Variants in CTIF observed in about 807,000 individuals in gnomAD.
CTIF encodes cap binding complex dependent translation initiation factor.
In CTIF, 21 loss-of-function variants were observed where a neutral mutation model predicts 66.0. That is an observed-to-expected ratio of 0.32 (90% CI 0.23 to 0.46). The LOEUF is 0.46. Ranked by LOEUF, CTIF falls within the 20% of genes least tolerant of loss-of-function variation. The pLI, the probability that CTIF is intolerant of heterozygous loss-of-function variation, is 1.00. For synonymous variants in CTIF, 345 were observed against 326.4 expected, an observed-to-expected ratio of 1.06 and a Z score of -0.62; for missense variants, 739 against 812.7, an observed-to-expected ratio of 0.91 and a Z score of 1.10.
At chr18:48,766,849 T>A (rs1030107187) in intron 9 of CTIF, among the ~76,000 whole-genome samples, 2 of 70,552 alleles carry the variant, frequency 2.8e-5, no homozygotes, top group Admixed American at 1.8e-4. Flanking sequence ...ACCCTGAACC[T>A]CCTCCTTGAT....
intron 1 of CTIF, among the ~76,000 whole-genome samples, chr18:48,579,883 C>T (rs2089615372): frequency 6.6e-6 from 1 of 152,212 alleles, no homozygotes; most frequent in African/African-American, 2.4e-5. Context: ...CAGGTGTAAA[C>T]TTTCCTAGTC....
chr18:48,746,900 C>G (rs1440136146), intron 7 of CTIF, among the ~76,000 whole-genome samples: 2 of 152,148 alleles, frequency 1.3e-5, no homozygotes, highest in East Asian at 3.8e-4. Context: ...GGTCCTTCCA[C>G]TACCTCACGT....
intron 4 of CTIF, 88 bp from the exon 5 acceptor site, chr18:48,664,359 C>A: frequency 8.4e-7 from 1 of 1,193,454 alleles, no homozygotes; most frequent in Non-Finnish European, 1.2e-6. Flanking sequence ...CGGATCTGCT[C>A]TGCCAGGTTC....
chr18:48,762,960 C>T (rs902418955), intron 9 of CTIF, among the ~76,000 whole-genome samples: 1 of 152,248 alleles, frequency 6.6e-6, no homozygotes, highest in Non-Finnish European at 1.5e-5. Context: ...GGCTGCTTCT[C>T]TCCTGCTCCA....
chr18:48,847,052 G>A (rs112267266), intron 10 of CTIF, among the ~76,000 whole-genome samples: 7,588 of 152,162 alleles, frequency 0.05, 612 homozygotes, highest in African/African-American at 0.17. Flanking sequence ...GCTCACACCT[G>A]TAATACCAGC....
At chr18:48,758,514 G>A in intron 8 of CTIF, 109 bp downstream of exon 8, 1 of 1,376,488 alleles carries the variant, frequency 7.3e-7, no homozygotes, top group South Asian at 1.4e-5. Context: ...GAGGGTCTAG[G>A]GAGCCATGTA....
chr18:48,661,816 A>G (rs749028962), intron 3 of CTIF: 1 of 152,248 alleles, frequency 6.6e-6, no homozygotes, highest in Non-Finnish European at 1.5e-5. Flanking sequence ...CTTTATTTAA[A>G]TATGAAGAAT....
At chr18:48,623,471 A>G (rs2144469164) in intron 2 of CTIF, among the ~76,000 whole-genome samples, 1 of 152,032 alleles carries the variant, frequency 6.6e-6, no homozygotes, top group South Asian at 2.1e-4. Context: ...TCTACATAAG[A>G]TACTTTTTAA....
At chr18:48,703,993 G>A (rs945031554) in intron 6 of CTIF, among the ~76,000 whole-genome samples, 4 of 152,238 alleles carry the variant, frequency 2.6e-5, no homozygotes, top group African/African-American at 4.8e-5. Flanking sequence ...GGCCTGGGGG[G>A]AAGCGTAGTG....
chr18:48,597,252 G>T (rs1032464934), intron 1 of CTIF, among the ~76,000 whole-genome samples: 1 of 152,218 alleles, frequency 6.6e-6, no homozygotes, highest in Non-Finnish European at 1.5e-5. Context: ...GGGAACCACA[G>T]CCTCCAGCGG....
chr18:48,851,666 G>T (rs2069203544), intron 10 of CTIF, among the ~76,000 whole-genome samples: 1 of 152,090 alleles, frequency 6.6e-6, no homozygotes, highest in Non-Finnish European at 1.5e-5. Context: ...TTCCCTCCCC[G>T]GGAGAAGCAT....
chr18:48,657,803 A>G (rs996628271), intron 3 of CTIF, among the ~76,000 whole-genome samples: 1 of 152,160 alleles, frequency 6.6e-6, no homozygotes, highest in African/African-American at 2.4e-5. Context: ...ATAGTAGCCT[A>G]AAGTGAAATA....
intron 1 of CTIF, among the ~76,000 whole-genome samples, chr18:48,569,996 T>C (rs2089375087): frequency 6.6e-6 from 1 of 152,230 alleles, no homozygotes; most frequent in Non-Finnish European, 1.5e-5. Flanking sequence ...ATAGTGACTT[T>C]TGTCCGAACT....
At chr18:48,749,079 G>A (rs1277832811) in intron 7 of CTIF, among the ~76,000 whole-genome samples, 1 of 152,232 alleles carries the variant, frequency 6.6e-6, no homozygotes, top group Non-Finnish European at 1.5e-5. Context: ...TTCTGTCCAT[G>A]TGCCTTCCTC....
chr18:48,575,546 G>A (rs1478312188), intron 1 of CTIF, among the ~76,000 whole-genome samples: 1 of 152,320 alleles, frequency 6.6e-6, no homozygotes, highest in Admixed American at 6.5e-5. Context: ...ACAGAGTTGC[G>A]GTGTCAGGAC....
At position 48,832,148 on chromosome 18, in the gene CTIF, G is replaced by A. The variant is rs1214011807; in HGVS notation, c.1527+14772G>A. On this transcript the variant is annotated intron_variant, in intron 10 of 11. Coordinates refer to ENST00000256413, the MANE Select transcript of CTIF (RefSeq NM_014772.3). ...GGGCTGCCTGGCTGGAGAGCTCCCTGCAGGGTCTGGAAAACGTGGTCCTTC... is the reference window on the plus strand; with the variant it reads ...GGGCTGCCTGGCTGGAGAGCTCCCTACAGGGTCTGGAAAACGTGGTCCTTC... Among the ~76,000 whole-genome samples the A allele has an allele frequency of 5.3e-5, 8 of 150,236 alleles. No individual in the cohort carries two copies. In the East Asian group the frequency reaches 1.5e-3, roughly 29 times the overall value.
chr18:48,550,180 T>A (rs1006873430), intron 1 of CTIF, among the ~76,000 whole-genome samples: 2 of 152,198 alleles, frequency 1.3e-5, no homozygotes, highest in Non-Finnish European at 2.9e-5. Flanking sequence ...TCCCAGCAGC[T>A]CCTCCACTTT....
intron 9 of CTIF, among the ~76,000 whole-genome samples, chr18:48,803,549 T>A (rs2068086957): frequency 6.6e-6 from 1 of 152,216 alleles, no homozygotes; most frequent in South Asian, 2.1e-4. Context: ...CCGATGGTCC[T>A]AGGTAAGGCC....
At chr18:48,588,641 C>T (rs2089823294) in intron 1 of CTIF, among the ~76,000 whole-genome samples, 1 of 152,072 alleles carries the variant, frequency 6.6e-6, no homozygotes, top group Non-Finnish European at 1.5e-5. Context: ...CGCTCCACAT[C>T]CGTCCTTCCT....
Sources: gnomAD v4.1 joint callset for allele counts (sites outside exome capture counted in the v4.1 genomes callset) on GRCh38, gnomAD v4.1.1 for gene constraint, MANE v1.5 for transcripts, NCBI Gene and HGNC (gene_info 2026-07-23, HGNC 2026-07-21) for gene names.